The following TMEM132D variants were observed in gnomAD, a reference collection of about 807,000 sequenced individuals.
TMEM132D encodes the protein mature OL transmembrane protein.
TMEM132D carries 21 observed loss-of-function variants against 62.3 expected under a neutral mutation model. That is an observed-to-expected ratio of 0.34 (90% CI 0.24 to 0.49). The LOEUF is 0.49. Ranked by LOEUF, TMEM132D falls within the 20% of genes least tolerant of loss-of-function variation. TMEM132D has a pLI of 0.99. For synonymous variants in TMEM132D, 621 were observed against 575.6 expected, an observed-to-expected ratio of 1.08 and a Z score of -1.13; for missense variants, 1,346 against 1,402.8, an observed-to-expected ratio of 0.96 and a Z score of 0.65.
intron 2 of TMEM132D, among the ~76,000 whole-genome samples, chr12:129,570,874 G>A (rs924242701): frequency 1.3e-5 from 2 of 152,164 alleles, no homozygotes; most frequent in Non-Finnish European, 2.9e-5. Context: ...TGACATGAAC[G>A]AGGAGATCCC....
intron 4 of TMEM132D, among the ~76,000 whole-genome samples, chr12:129,310,348 A>C (rs1881943309): frequency 6.6e-6 from 1 of 152,222 alleles, no homozygotes; most frequent in Non-Finnish European, 1.5e-5. Context: ...AACCACAGAC[A>C]TGCTTCAGTA....
At chr12:129,089,930 C>A (rs1406453646) in intron 5 of TMEM132D, among the ~76,000 whole-genome samples, 3 of 152,216 alleles carry the variant, frequency 2.0e-5, no homozygotes, top group African/African-American at 7.2e-5. Flanking sequence ...TGCAGTCTGC[C>A]TTTTTAGAGG....
chr12:129,683,750 C>T (rs781097794), intron 2 of TMEM132D, among the ~76,000 whole-genome samples: 23 of 152,208 alleles, frequency 1.5e-4, no homozygotes, highest in South Asian at 2.1e-4. Flanking sequence ...GAGGTGGGGG[C>T]GAATTAAACT....
In TMEM132D at chr12:129,827,577, G is replaced by T. The variant is rs1055283311; in HGVS notation, c.79+75684C>A. Among the ~76,000 whole-genome samples, 1 of 152,182 alleles carries T rather than the reference G, an allele frequency of 6.6e-6. No individual in the cohort carries two copies. Among genetic ancestry groups the T allele is most frequent in the Admixed American group, 6.5e-5 (1 of 15,274 alleles). On this transcript the variant is annotated intron_variant, in intron 1 of 8. Transcript: ENST00000422113. The surrounding 1 kb of genome is among the most constrained non-coding windows in gnomAD (Gnocchi z 9.7). ...CTCATTAGTGGTTGCTGGAACCCAC[G>T]TTCTGAGCCTGCGGTGTTTCCTGCT...
At chr12:129,485,509 T>C (rs1015182292) in intron 3 of TMEM132D, among the ~76,000 whole-genome samples, 1 of 152,220 alleles carries the variant, frequency 6.6e-6, no homozygotes, top group Non-Finnish European at 1.5e-5. Flanking sequence ...TAAAATGTGT[T>C]GTCCAATGGG....
intron 3 of TMEM132D, among the ~76,000 whole-genome samples, chr12:129,510,223 G>A (rs998681948): frequency 1.3e-5 from 2 of 152,128 alleles, no homozygotes; most frequent in Non-Finnish European, 2.9e-5. Context: ...GATGATCAAT[G>A]ATGTTGAGCA....
rs1874080048 is a variant in TMEM132D at position 129,071,934 on chromosome 12, T to TAATC, written c.*1937_*1940dup. 1 of 152,136 alleles carries TAATC rather than the reference T, an allele frequency of 6.6e-6. No homozygotes were observed. The highest frequency in any genetic ancestry group is 1.5e-5 in the Non-Finnish European group (1 of 68,038). 9.4% of individuals were successfully genotyped at this position (152,136 alleles called of 1,614,324 possible). On this transcript the variant is annotated 3_prime_UTR_variant, in exon 9 of 9. Transcript: ENST00000422113. ...TTCTCATTGAAAAGGGGTGACAGCTTAATCACCCAACCAAACAAGGTAGGT... is the reference window on the plus strand; with the variant it reads ...TTCTCATTGAAAAGGGGTGACAGCTTAATCAATCACCCAACCAAACAAGGTAGGT...
In TMEM132D at chr12:129,101,073, C is replaced by T. The variant is rs530116077; in HGVS notation, c.1444-16371G>A. On this transcript the variant is annotated intron_variant, in intron 5 of 8. Coordinates refer to ENST00000422113, the MANE Select transcript of TMEM132D (RefSeq NM_133448.3). The stretch of plus-strand genomic sequence containing the variant: ...GGCGGTGGCAGGGATCTAAGCTCTG[C>T]AGTGCAGTCGGCGGCAGAGATTGAA... Among the ~76,000 whole-genome samples, 600 of 151,864 alleles carry T rather than the reference C, an allele frequency of 4.0e-3. 3 individuals carry two copies. The highest frequency in any genetic ancestry group is 5.4e-3 in the Non-Finnish European group (367 of 67,834).
intron 2 of TMEM132D, among the ~76,000 whole-genome samples, chr12:129,609,444 C>T (rs888584887): frequency 2.0e-5 from 3 of 152,062 alleles, no homozygotes; most frequent in African/African-American, 7.2e-5. Context: ...GCATGGTTGG[C>T]ATCCCAAAAG....
chr12:129,731,940 G>T (rs1319468830), intron 1 of TMEM132D, among the ~76,000 whole-genome samples: 1 of 152,228 alleles, frequency 6.6e-6, no homozygotes, highest in Non-Finnish European at 1.5e-5. Context: ...GGGATTACAG[G>T]CGTGAGCCAC....
Position 129,443,258 on chromosome 12 carries a change from A to T in TMEM132D, c.1115+87801T>A, listed in dbSNP as rs118185463. Among the ~76,000 whole-genome samples, 17 of 152,288 alleles carry T rather than the reference A, an allele frequency of 1.1e-4. No homozygotes were observed. The East Asian group carries it at 3.3e-3, about 29-fold the overall frequency. On this transcript the variant is annotated intron_variant, in intron 3 of 8. Transcript: ENST00000422113. ...TGCTTCCTGCGCAACTCCTCTGAAG[A>T]CAAGTGTGTCTTTCAGCAATGAGAT... is the stretch of plus-strand genomic sequence containing the variant.
At chr12:129,281,227 C>T (rs997149707) in intron 4 of TMEM132D, among the ~76,000 whole-genome samples, 21 of 152,082 alleles carry the variant, frequency 1.4e-4, no homozygotes, top group East Asian at 3.9e-4. Flanking sequence ...ACATACCCAA[C>T]GGATGCCCCA....
At chr12:129,438,767 G>A (rs542412350) in intron 3 of TMEM132D, among the ~76,000 whole-genome samples, 93 of 152,178 alleles carry the variant, frequency 6.1e-4, no homozygotes, top group South Asian at 1.0e-3. Context: ...GTTGTACATG[G>A]GATAGCTCAG....
intron 4 of TMEM132D, among the ~76,000 whole-genome samples, chr12:129,289,417 G>A (rs1011817031): frequency 4.6e-5 from 7 of 151,702 alleles, no homozygotes; most frequent in African/African-American, 1.2e-4. Context: ...GGTGGCAGGC[G>A]CCTGTAATCC....
chr12:129,361,890 C>T (rs984281002), intron 3 of TMEM132D, among the ~76,000 whole-genome samples: 2 of 152,256 alleles, frequency 1.3e-5, no homozygotes, highest in South Asian at 2.1e-4. Flanking sequence ...TCAAAACACG[C>T]GATGTGCCTG....
intron 4 of TMEM132D, among the ~76,000 whole-genome samples, chr12:129,321,880 T>C (rs1463643381): frequency 1.3e-5 from 2 of 152,234 alleles, no homozygotes; most frequent in African/African-American, 2.4e-5. Context: ...TTTCAGTCCA[T>C]CCATGCGTGG....
rs1870541736 is a variant in TMEM132D at position 129,766,027 on chromosome 12, G to C, written c.80-65329C>G. 2.0e-5 allele frequency among the ~76,000 whole-genome samples: 3 copies of C among 152,112 alleles called. No individual in the cohort carries two copies. In the East Asian group the frequency reaches 5.8e-4, roughly 29 times the overall value. On this transcript the variant is annotated intron_variant, in intron 1 of 8. Transcript: ENST00000422113. The stretch of plus-strand genomic sequence containing the variant: ...CCTTGGACTTGTTCTGGACAATGAG[G>C]CGGAGGCAGAAGTGCCCTGTGTGAT...
At position 129,818,305 on chromosome 12, in the gene TMEM132D, G is replaced by A. The variant is rs530617620; in HGVS notation, c.79+84956C>T. 3.6e-3 allele frequency among the ~76,000 whole-genome samples: 538 copies of A among 147,654 alleles called. 3 individuals are homozygous for A. The highest frequency in any genetic ancestry group is 6.6e-3 in the Non-Finnish European group (443 of 66,812). ...GTGCGGTGTGGGGTGTGTGTGATGTGTGTGTGTCTATGTCTGTGTATCTAT... is the reference window on the plus strand; with the variant it reads ...GTGCGGTGTGGGGTGTGTGTGATGTATGTGTGTCTATGTCTGTGTATCTAT... On this transcript the variant is annotated intron_variant, in intron 1 of 8. Coordinates refer to ENST00000422113, the MANE Select transcript of TMEM132D (RefSeq NM_133448.3).
chr12:129,898,039 C>T (rs756385689), intron 1 of TMEM132D, among the ~76,000 whole-genome samples: 1 of 152,184 alleles, frequency 6.6e-6, no homozygotes, highest in Non-Finnish European at 1.5e-5. Context: ...ACTTCTGGTC[C>T]AGTACATATC....
Sources: gnomAD v4.1 joint callset for allele counts (sites outside exome capture counted in the v4.1 genomes callset) on GRCh38, gnomAD v4.1.1 for gene constraint, Gnocchi (gnomAD v3.1) non-coding constraint, MANE v1.5 for transcripts, NCBI Gene and HGNC (gene_info 2026-07-23, HGNC 2026-07-21) for gene names.